The following ITGA9 variants were observed in gnomAD, a reference collection of about 807,000 sequenced individuals.
ITGA9 encodes the protein integrin subunit alpha 9.
ITGA9 carries 56 observed loss-of-function variants against 127.8 expected under a neutral mutation model. The ratio of observed to expected loss-of-function variants is 0.44; its 90% CI spans 0.35 to 0.55. ITGA9 has a LOEUF of 0.55. ITGA9 is among the 20% of genes least tolerant of loss of function. The pLI is 0.00. For missense variants in ITGA9, 1,196 were observed against 1,347.1 expected, an observed-to-expected ratio of 0.89 and a Z score of 1.76; for synonymous variants, 508 against 514.5, an observed-to-expected ratio of 0.99 and a Z score of 0.17.
intron 1 of ITGA9, among the ~76,000 whole-genome samples, chr3:37,464,574 T>A (rs73826547): frequency 0.026 from 3,937 of 152,322 alleles, 170 homozygotes; most frequent in African/African-American, 0.088. Context: ...CTTGGAGTGT[T>A]TAAGACACTT....
At position 37,814,930 on chromosome 3, in the gene ITGA9, G is replaced by A. The variant is rs1433186485; in HGVS notation, c.3010-3961G>A. 6.6e-6 allele frequency among the ~76,000 whole-genome samples: 1 copy of A among 152,192 alleles called. No homozygotes were observed. Among genetic ancestry groups the A allele is most frequent in the South Asian group, 2.1e-4 (1 of 4,832 alleles). On this transcript the variant is annotated intron_variant, in intron 27 of 27. Coordinates refer to ENST00000264741, the MANE Select transcript of ITGA9 (RefSeq NM_002207.3). This position sits in a 1 kb window ranked among gnomAD's most constrained non-coding sequence, Gnocchi z 4.3. ...AAAAGGAAGACATACATCAGTGGTAGCTCTGATCTCCCATCCAAGAGATTA... is the reference window on the plus strand; with the variant it reads ...AAAAGGAAGACATACATCAGTGGTAACTCTGATCTCCCATCCAAGAGATTA...
intron 15 of ITGA9, among the ~76,000 whole-genome samples, chr3:37,571,109 G>A (rs990065439): frequency 3.9e-5 from 6 of 152,186 alleles, no homozygotes; most frequent in Non-Finnish European, 7.3e-5. Context: ...TCTCAGCAGA[G>A]GCCCTTTTTG....
In ITGA9 at chr3:37,629,458, C is replaced by G. The variant is rs1700209448; in HGVS notation, c.1839+122C>G. 6 of 1,014,938 alleles carry G rather than the reference C, an allele frequency of 5.9e-6. No individual in the cohort carries two copies. In the South Asian group the frequency reaches 6.8e-5, roughly 11 times the overall value. 62.9% of individuals were successfully genotyped at this position (1,014,938 alleles called of 1,614,324 possible). Reference sequence around the variant, plus strand: ...TCAGGAGACCGCAGCCAGGACACACCTCCTCTCTGGGTCTCCCTTTTCTGA... The same window carrying G: ...TCAGGAGACCGCAGCCAGGACACACGTCCTCTCTGGGTCTCCCTTTTCTGA... On this transcript the variant is annotated intron_variant, in intron 16 of 27. Transcript: ENST00000264741. This position sits in a 1 kb window ranked among gnomAD's most constrained non-coding sequence, Gnocchi z 4.5.
At chr3:37,773,153 C>T (rs930535326) in intron 23 of ITGA9, among the ~76,000 whole-genome samples, 4 of 152,206 alleles carry the variant, frequency 2.6e-5, no homozygotes, top group Non-Finnish European at 4.4e-5. Flanking sequence ...CCCAAGCTTC[C>T]TCTCCCTGCC....
In ITGA9 at chr3:37,660,337, A is replaced by G. The variant is rs533191163; in HGVS notation, c.1916+6547A>G. 7.5e-4 allele frequency among the ~76,000 whole-genome samples: 114 copies of G among 152,320 alleles called. No individual in the cohort carries two copies. The South Asian group carries it at 0.023, about 30-fold the overall frequency. The stretch of plus-strand genomic sequence containing the variant: ...TCTTGAGGCAGACTGGAAATGCTGG[A>G]AATTTATTTTGGATCGTAGAAAAAC... On this transcript the variant is annotated intron_variant, in intron 17 of 27. Transcript: ENST00000264741.
At chr3:37,803,982 C>T (rs895923893) in intron 27 of ITGA9, 40 bp downstream of exon 27, 3 of 1,613,598 alleles carry the variant, frequency 1.9e-6, no homozygotes, top group African/African-American at 1.3e-5. Flanking sequence ...GGTCCCCACT[C>T]ATAGATGCCC....
chr3:37,765,352 A>T (rs925424672), intron 23 of ITGA9, among the ~76,000 whole-genome samples: 4 of 152,222 alleles, frequency 2.6e-5, no homozygotes, highest in Admixed American at 2.6e-4. Context: ...TTCTTAGAGC[A>T]AATTTAAACT....
At chr3:37,678,642 A>G (rs569699141) in intron 17 of ITGA9, among the ~76,000 whole-genome samples, 1 of 152,242 alleles carries the variant, frequency 6.6e-6, no homozygotes, top group East Asian at 1.9e-4. Flanking sequence ...TGATGGCAGC[A>G]AAAGAAAAGG....
At chr3:37,668,467 A>G (rs994875029) in intron 17 of ITGA9, among the ~76,000 whole-genome samples, 2 of 152,218 alleles carry the variant, frequency 1.3e-5, no homozygotes, top group African/African-American at 2.4e-5. Context: ...GAAAGGATCT[A>G]TGAAGAGAAT....
chr3:37,458,537 G>A (rs939076679), intron 1 of ITGA9, among the ~76,000 whole-genome samples: 1 of 152,214 alleles, frequency 6.6e-6, no homozygotes, highest in African/African-American at 2.4e-5. Context: ...GCCTCAGCTG[G>A]AATCCTGCAG....
chr3:37,552,804 C>T (rs1481092291), intron 15 of ITGA9, among the ~76,000 whole-genome samples: 2 of 152,048 alleles, frequency 1.3e-5, no homozygotes, highest in Admixed American at 6.6e-5. Context: ...CATCTGAGGT[C>T]GGGAGTTCAA....
At chr3:37,532,229 C>G (rs565672467) in intron 13 of ITGA9, among the ~76,000 whole-genome samples, 1 of 152,360 alleles carries the variant, frequency 6.6e-6, no homozygotes, top group Non-Finnish European at 1.5e-5. Context: ...CTGTTGACCC[C>G]ATCTCCCAGC....
intron 15 of ITGA9, among the ~76,000 whole-genome samples, chr3:37,621,603 C>G (rs1014214868): frequency 6.6e-6 from 1 of 152,178 alleles, no homozygotes; most frequent in African/African-American, 2.4e-5. Context: ...CAAAATCAAA[C>G]CATTCCCAAA....
intron 7 of ITGA9, among the ~76,000 whole-genome samples, chr3:37,507,505 C>T (rs1698857703): frequency 1.3e-5 from 2 of 152,128 alleles, no homozygotes; most frequent in African/African-American, 2.4e-5. Flanking sequence ...ATGACCCCTC[C>T]GCAAACCCCT....
intron 15 of ITGA9, among the ~76,000 whole-genome samples, chr3:37,566,197 A>G (rs1699545517): frequency 1.3e-5 from 2 of 152,236 alleles, no homozygotes; most frequent in African/African-American, 2.4e-5. Flanking sequence ...CCCCTAGTAG[A>G]TGCCTGAAAC....
At chr3:37,577,524 C>G (rs1365259698) in intron 15 of ITGA9, among the ~76,000 whole-genome samples, 1 of 152,230 alleles carries the variant, frequency 6.6e-6, no homozygotes, top group East Asian at 1.9e-4. Flanking sequence ...TGGTGCATTT[C>G]TAACATACCC....
intron 15 of ITGA9, among the ~76,000 whole-genome samples, chr3:37,607,324 A>G (rs1186168566): frequency 6.6e-6 from 1 of 152,188 alleles, no homozygotes; most frequent in Non-Finnish European, 1.5e-5. Flanking sequence ...TGGGTAACTC[A>G]GTTGTTCATG....
At chr3:37,794,875 T>A (rs2125558572) in intron 26 of ITGA9, among the ~76,000 whole-genome samples, 1 of 152,312 alleles carries the variant, frequency 6.6e-6, no homozygotes, top group South Asian at 2.1e-4. Flanking sequence ...TATTTTCTGT[T>A]CATTTATGTC....
intron 16 of ITGA9, among the ~76,000 whole-genome samples, chr3:37,644,253 C>G: frequency 6.6e-6 from 1 of 152,186 alleles, no homozygotes; most frequent in East Asian, 1.9e-4. Context: ...GCTCAGTTAT[C>G]ACAGGGGTTG....
Sources: allele counts gnomAD v4.1 joint callset (sites outside exome capture counted in the v4.1 genomes callset), GRCh38; gene constraint gnomAD v4.1.1; non-coding constraint Gnocchi (gnomAD v3.1); transcripts MANE v1.5; gene names NCBI Gene and HGNC (gene_info 2026-07-23, HGNC 2026-07-21).